Variants in CNTNAP5 observed in about 807,000 individuals in gnomAD.
The protein encoded by CNTNAP5 is contactin associated protein family member 5.
CNTNAP5 carries 72 observed loss-of-function variants against 150.2 expected under a neutral mutation model. That is an observed-to-expected ratio of 0.48 (90% CI 0.40 to 0.58). The LOEUF is 0.58. Among genes scored for constraint, CNTNAP5 ranks in the 20% least tolerant of loss-of-function variants. The pLI is 0.00. For synonymous variants in CNTNAP5, 672 were observed against 619.8 expected, an observed-to-expected ratio of 1.08 and a Z score of -1.25; for missense variants, 1,636 against 1,626.2, an observed-to-expected ratio of 1.01 and a Z score of -0.10.
chr2:124,455,737 C>G (rs1693103560), intron 6 of CNTNAP5, among the ~76,000 whole-genome samples: 4 of 152,088 alleles, frequency 2.6e-5, no homozygotes, highest in African/African-American at 9.7e-5. Context: ...GGGATTCATA[C>G]CAGGGATGCA....
chr2:124,896,800 A>G (rs1678316091), intron 21 of CNTNAP5, among the ~76,000 whole-genome samples: 1 of 151,572 alleles, frequency 6.6e-6, no homozygotes, highest in African/African-American at 2.4e-5. Flanking sequence ...CGGCCTCCCA[A>G]AATTCTGGGA....
intron 8 of CNTNAP5, among the ~76,000 whole-genome samples, chr2:124,519,262 A>C (rs1315404203): frequency 6.6e-6 from 1 of 152,176 alleles, no homozygotes; most frequent in Non-Finnish European, 1.5e-5. Context: ...TGTTTTAAAA[A>C]TTGATTGTAG....
intron 1 of CNTNAP5, among the ~76,000 whole-genome samples, chr2:124,050,024 A>G (rs973960191): frequency 2.6e-5 from 4 of 152,120 alleles, no homozygotes; most frequent in South Asian, 2.1e-4. Context: ...ACTTCCTAAT[A>G]GTGTCACCAT....
chr2:124,842,795 G>A (rs995842710), intron 19 of CNTNAP5, among the ~76,000 whole-genome samples: 4 of 151,974 alleles, frequency 2.6e-5, no homozygotes, highest in African/African-American at 9.7e-5. Flanking sequence ...GAAATGAATC[G>A]AGCCCTAGAA....
At chr2:124,707,941 CTT>C (rs1224519050) in intron 13 of CNTNAP5, among the ~76,000 whole-genome samples, 1 of 151,890 alleles carries the variant, frequency 6.6e-6, no homozygotes, top group Admixed American at 6.6e-5. Flanking sequence ...CAGGATAAAA[CTT>C]TTAAAAAAAA....
At chr2:124,223,211 C>G (rs746224341) in intron 2 of CNTNAP5, among the ~76,000 whole-genome samples, 1 of 152,056 alleles carries the variant, frequency 6.6e-6, no homozygotes, top group African/African-American at 2.4e-5. Flanking sequence ...ATTCAAAGTT[C>G]GTGTTTATAT....
At chr2:124,248,350 A>AAT (rs1687082547) in intron 3 of CNTNAP5, among the ~76,000 whole-genome samples, 1 of 152,300 alleles carries the variant, frequency 6.6e-6, no homozygotes, top group Admixed American at 6.5e-5. Context: ...CATGGAGATA[A>AAT]AGCCTGGACT....
intron 3 of CNTNAP5, among the ~76,000 whole-genome samples, chr2:124,295,266 A>G (rs920514090): frequency 2.3e-5 from 2 of 85,212 alleles, no homozygotes; most frequent in African/African-American, 9.4e-5. Flanking sequence ...TACTAACTCT[A>G]GTTTTGATCA....
At position 124,500,791 on chromosome 2, in the gene CNTNAP5, T is replaced by C. The variant is rs550023037; in HGVS notation, c.1063-3501T>C. On this transcript the variant is annotated intron_variant, in intron 7 of 23. Coordinates refer to ENST00000682447, the MANE Select transcript of CNTNAP5 (RefSeq NM_001367498.1). ...TCTTGGCTGTTCGAGAAGGGGCATG[T>C]ATGACAGTGAAAATATAGGGCACTA... Among the ~76,000 whole-genome samples the C allele has an allele frequency of 6.4e-4, 97 of 152,242 alleles. No homozygotes were observed. The Middle Eastern group carries it at 0.014, about 22-fold the overall frequency.
intron 6 of CNTNAP5, among the ~76,000 whole-genome samples, chr2:124,458,293 TTA>T (rs56360238): frequency 0.035 from 4,888 of 139,880 alleles, 165 homozygotes; most frequent in African/African-American, 0.087. Context: ...ATGTAATATT[TTA>T]TATATATATA....
intron 3 of CNTNAP5, among the ~76,000 whole-genome samples, chr2:124,313,216 C>T (rs988219601): frequency 1.3e-5 from 2 of 152,110 alleles, no homozygotes; most frequent in African/African-American, 4.8e-5. Context: ...TAACTACTCT[C>T]GATTATTATA....
chr2:124,462,970 G>A (rs1348849143), intron 6 of CNTNAP5, among the ~76,000 whole-genome samples: 5 of 152,324 alleles, frequency 3.3e-5, no homozygotes, highest in African/African-American at 9.6e-5. Context: ...GACTATCAGA[G>A]CTGTTGAGGC....
chr2:124,165,429 C>A (rs1464874280), intron 1 of CNTNAP5, among the ~76,000 whole-genome samples: 1 of 152,152 alleles, frequency 6.6e-6, no homozygotes, highest in Non-Finnish European at 1.5e-5. Context: ...TTCCCTTAAC[C>A]TCTCTTTGCC....
chr2:124,312,559 ATTTG>A (rs758725424), intron 3 of CNTNAP5, among the ~76,000 whole-genome samples: 2,207 of 144,738 alleles, frequency 0.015, 43 homozygotes, highest in African/African-American at 0.046. Context: ...TTGTTTGTTT[ATTTG>A]TTTGTTTGTT....
At chr2:124,428,558 A>G (rs2104789005) in intron 4 of CNTNAP5, among the ~76,000 whole-genome samples, 3 of 145,974 alleles carry the variant, frequency 2.1e-5, no homozygotes, top group Middle Eastern at 6.9e-3. Flanking sequence ...AAAGGGAGCA[A>G]GTGAAAGAGC....
chr2:124,571,776 C>T (rs112464382), intron 11 of CNTNAP5, among the ~76,000 whole-genome samples: 45,996 of 151,110 alleles, frequency 0.3, 7,341 homozygotes, highest in African/African-American at 0.34. Context: ...AGGTGATCCA[C>T]CCATCTCAGC....
At chr2:124,458,435 G>C (rs1042465759) in intron 6 of CNTNAP5, among the ~76,000 whole-genome samples, 5 of 151,422 alleles carry the variant, frequency 3.3e-5, no homozygotes, top group Non-Finnish European at 7.4e-5. Context: ...ACCAAACATC[G>C]TCTGTTCCTA....
intron 13 of CNTNAP5, among the ~76,000 whole-genome samples, chr2:124,740,762 A>G (rs1298094803): frequency 6.6e-6 from 1 of 152,112 alleles, no homozygotes; most frequent in African/African-American, 2.4e-5. Flanking sequence ...TTATTCTCAC[A>G]CTCACTCATC....
intron 19 of CNTNAP5, among the ~76,000 whole-genome samples, chr2:124,808,200 A>AT (rs1682122116): frequency 6.6e-6 from 1 of 152,154 alleles, no homozygotes; most frequent in African/African-American, 2.4e-5. Context: ...GCTCCCCAGG[A>AT]TTTTTTATTT....
Sources: allele counts gnomAD v4.1 joint callset (sites outside exome capture counted in the v4.1 genomes callset), GRCh38; gene constraint gnomAD v4.1.1; transcripts MANE v1.5; gene names NCBI Gene and HGNC (gene_info 2026-07-23, HGNC 2026-07-21).